The following CCR9 variants were observed in gnomAD, a reference collection of about 807,000 sequenced individuals.
CCR9 encodes the protein C-C chemokine receptor type 9.
A neutral mutation model predicts 8.7 loss-of-function variants in CCR9; 4 were observed. The observed-to-expected ratio is 0.46, with a 90% CI of 0.23 to 1.06. CCR9 has a LOEUF of 1.06. Among genes scored for constraint, CCR9 ranks in the 50% least tolerant of loss-of-function variants. The probability of loss-of-function intolerance (pLI) is 0.21; values close to 1 mark genes in which losing one functional copy is unlikely to be tolerated. For missense variants in CCR9, 394 were observed against 453.6 expected, an observed-to-expected ratio of 0.87 and a Z score of 1.19; for synonymous variants, 159 against 168.8, an observed-to-expected ratio of 0.94 and a Z score of 0.45.
chr3:45,888,264 C>T (rs1221022397), intron 1 of CCR9, among the ~76,000 whole-genome samples: 4 of 152,152 alleles, frequency 2.6e-5, no homozygotes, highest in Non-Finnish European at 5.9e-5. Flanking sequence ...GCAATGTTCC[C>T]TCCCCTCGTT....
chr3:45,897,582 G>A, intron 2 of CCR9: 2 of 1,535,806 alleles, frequency 1.3e-6, no homozygotes, highest in Middle Eastern at 1.7e-4. Context: ...CCCCGCTCCA[G>A]ATCACCTTCC....
chr3:45,890,304 C>T (rs1365925230), intron 1 of CCR9, among the ~76,000 whole-genome samples: 1 of 12,104 alleles, frequency 8.3e-5, no homozygotes, highest in African/African-American at 5.2e-4. Flanking sequence ...ATATATATAA[C>T]ATATATATAT....
At chr3:45,894,732 G>A (rs564726996) in intron 1 of CCR9, among the ~76,000 whole-genome samples, 174 bp from the exon 2 acceptor site, 9 of 152,182 alleles carry the variant, frequency 5.9e-5, no homozygotes, top group African/African-American at 2.2e-4. Flanking sequence ...ATTTCTGTGT[G>A]GACTACTCAG....
At position 45,901,724 on chromosome 3, in the gene CCR9, G is replaced by A; in HGVS notation, c.936G>A (p.Leu312=). The change falls in exon 3 of 3, where the codon CTG becomes CTA. Residue 312 remains leucine, a synonymous_variant. Transcript: ENST00000357632. The surrounding 1 kb of genome is among the most constrained non-coding windows in gnomAD (Gnocchi z 4.3). ...TQTIAFFHSC[L]NPVLYVFVGE... ...CCATCGCCTTCTTCCACAGTTGCCT[G>A]AACCCTGTTCTCTATGTTTTTGTGG... is the stretch of plus-strand genomic sequence containing the variant. 6.2e-7 allele frequency: 1 copy of A among 1,614,162 alleles called. No homozygotes were observed. The highest frequency in any genetic ancestry group is 8.5e-7 in the Non-Finnish European group (1 of 1,180,032).
intron 1 of CCR9, among the ~76,000 whole-genome samples, 178 bp downstream of exon 1, chr3:45,886,833 C>T (rs542889492): frequency 6.6e-6 from 1 of 152,278 alleles, no homozygotes; most frequent in East Asian, 1.9e-4. Flanking sequence ...ATGCCCAACC[C>T]AGGTTTCTTG....
At position 45,901,494 on chromosome 3, in the gene CCR9, A is replaced by G. The variant is rs1328318187; in HGVS notation, c.706A>G (p.Ile236Val). The G allele has an allele frequency of 9.9e-6, 16 of 1,614,026 alleles. No homozygotes were observed. The Admixed American group carries it at 1.8e-4, about 18-fold the overall frequency. ...PFVVMACCYT[I>V]IIHTLIQAKK... The stretch of plus-strand genomic sequence containing the variant: ...CGTGGTCATGGCTTGCTGCTATACC[A>G]TCATCATTCACACCCTGATACAAGC... The change falls in exon 3 of 3, where the codon ATC (isoleucine) becomes GTC (valine). Residue 236 changes from isoleucine (I) to valine (V), a missense_variant. Transcript: ENST00000357632. This position sits in a 1 kb window ranked among gnomAD's most constrained non-coding sequence, Gnocchi z 4.3.
At chr3:45,895,960 A>C (rs1702341634) in intron 2 of CCR9, among the ~76,000 whole-genome samples, 1 of 152,342 alleles carries the variant, frequency 6.6e-6, no homozygotes, top group African/African-American at 2.4e-5. Context: ...CTCACAGTAC[A>C]TTGTGGGTTT....
intron 1 of CCR9, among the ~76,000 whole-genome samples, chr3:45,891,179 C>T (rs937028711): frequency 3.9e-5 from 6 of 152,202 alleles, no homozygotes; most frequent in African/African-American, 1.4e-4. Flanking sequence ...CGGTGAATGC[C>T]CAGGTGGCTG....
intron 1 of CCR9, among the ~76,000 whole-genome samples, chr3:45,893,268 C>T (rs531814618): frequency 4.2e-4 from 64 of 152,210 alleles, no homozygotes; most frequent in Middle Eastern, 3.4e-3. Flanking sequence ...GATCCTCCTG[C>T]CTCAGCCTCC....
chr3:45,887,333 T>A (rs1702014968), intron 1 of CCR9, among the ~76,000 whole-genome samples: 1 of 152,156 alleles, frequency 6.6e-6, no homozygotes, highest in South Asian at 2.1e-4. Context: ...TAACAATGGC[T>A]AAACTAGGAA....
At chr3:45,898,906 G>A (rs1444471944) in intron 2 of CCR9, among the ~76,000 whole-genome samples, 3 of 152,230 alleles carry the variant, frequency 2.0e-5, no homozygotes, top group Admixed American at 6.5e-5. Flanking sequence ...GGTGGCTCAC[G>A]CCTGTAATGC....
chr3:45,898,509 C>T (rs1021300993), intron 2 of CCR9, among the ~76,000 whole-genome samples: 5 of 152,228 alleles, frequency 3.3e-5, no homozygotes, highest in Non-Finnish European at 7.3e-5. Context: ...TGGGCCATTT[C>T]CAGCTGCCCT....
intron 2 of CCR9, among the ~76,000 whole-genome samples, chr3:45,899,059 A>G (rs1267015933): frequency 6.6e-6 from 1 of 152,160 alleles, no homozygotes; most frequent in African/African-American, 2.4e-5. Context: ...CCAGCTACTC[A>G]GGAGGCTGAG....
rs771948402 is a variant in CCR9, at chr3:45,901,400, C to A, written c.612C>A (p.Ser204Arg). The A allele has an allele frequency of 6.2e-7, 1 of 1,614,176 alleles. No individual in the cohort carries two copies. The highest frequency in any genetic ancestry group is 1.1e-5 in the South Asian group (1 of 91,088). Residue 204 changes from serine to arginine, a missense_variant, in exon 3 of 3, where the codon AGC becomes AGA. By Grantham distance (110) the Ser-to-Arg change is moderately radical. Coordinates refer to ENST00000357632, the MANE Select transcript of CCR9 (RefSeq NM_031200.3). The surrounding 1 kb of genome is among the most constrained non-coding windows in gnomAD (Gnocchi z 4.3). Reference sequence around the variant, plus strand: ...CTATCTGCACCATGGTTTACCCTAGCGATGAGAGCACCAAACTGAAGTCAG... The same window carrying A: ...CTATCTGCACCATGGTTTACCCTAGAGATGAGAGCACCAAACTGAAGTCAG... ...GIAICTMVYP[S>R]DESTKLKSAV...
chr3:45,886,128 A>C (rs1447330618), upstream of CCR9, among the ~76,000 whole-genome samples: 1 of 152,200 alleles, frequency 6.6e-6, no homozygotes, highest in Non-Finnish European at 1.5e-5. Flanking sequence ...AGGCCAGAAA[A>C]GGTATGTTGC....
intron 2 of CCR9, among the ~76,000 whole-genome samples, chr3:45,899,796 C>T (rs1054150426): frequency 1.3e-5 from 2 of 152,198 alleles, no homozygotes; most frequent in Non-Finnish European, 2.9e-5. Flanking sequence ...CATTACCTCC[C>T]ACCCCAGGTT....
At chr3:45,893,497 T>C (rs1702255733) in intron 1 of CCR9, among the ~76,000 whole-genome samples, 1 of 152,202 alleles carries the variant, frequency 6.6e-6, no homozygotes, top group Non-Finnish European at 1.5e-5. Context: ...CATCAGTGAT[T>C]CTGCTTTCCG....
chr3:45,895,691 G>T (rs1702331444), intron 2 of CCR9, among the ~76,000 whole-genome samples: 1 of 151,312 alleles, frequency 6.6e-6, no homozygotes, highest in African/African-American at 2.4e-5. Flanking sequence ...TCCAGCCTGG[G>T]CAACAGAGCG....
At chr3:45,888,067 G>T (rs6806802) in intron 1 of CCR9, among the ~76,000 whole-genome samples, 130,008 of 152,244 alleles carry the variant, frequency 0.85, 56,088 homozygotes, top group East Asian at 1. Flanking sequence ...TGTTGGCTAC[G>T]TAAGAATGTT....
Sources: gnomAD v4.1 joint callset for allele counts (sites outside exome capture counted in the v4.1 genomes callset) on GRCh38, gnomAD v4.1.1 for gene constraint, Gnocchi (gnomAD v3.1) non-coding constraint, MANE v1.5 for transcripts, NCBI Gene and HGNC (gene_info 2026-07-23, HGNC 2026-07-21) for gene names.